The following SPAG1 variants were observed in gnomAD, a reference collection of about 807,000 sequenced individuals.
SPAG1 encodes the protein sperm-associated antigen 1.
A neutral mutation model predicts 100.5 loss-of-function variants in SPAG1; 69 were observed. The observed-to-expected ratio is 0.69, with a 90% CI of 0.57 to 0.84. The LOEUF is 0.84. Among genes scored for constraint, SPAG1 ranks in the 40% least tolerant of loss-of-function variants. The pLI is 0.00. For synonymous variants in SPAG1, 336 were observed against 411.6 expected (o/e 0.82, Z 2.22); for missense variants, 955 against 1,133.1 (o/e 0.84, Z 2.26).
intron 7 of SPAG1, 50 bp from the exon 8 acceptor site, chr8:100,187,070 C>A (rs988775562): frequency 1.9e-6 from 3 of 1,560,422 alleles, no homozygotes; most frequent in Admixed American, 1.9e-5. Context: ...TCTCTACATT[C>A]TTATGTTTAC....
intron 6 of SPAG1, 80 bp downstream of exon 6, chr8:100,184,142 G>A: frequency 3.2e-6 from 2 of 621,658 alleles, no homozygotes; most frequent in Non-Finnish European, 5.4e-6. Context: ...AGAAGACATT[G>A]TCTTTGAGTA....
At chr8:100,229,797 T>C (rs1429310349) in intron 14 of SPAG1, among the ~76,000 whole-genome samples, 1 of 152,236 alleles carries the variant, frequency 6.6e-6, no homozygotes, top group Non-Finnish European at 1.5e-5. Context: ...GCCCAACTTA[T>C]AATGCCTCAA....
At position 100,233,526 on chromosome 8, in the gene SPAG1, A is replaced by C. The variant is rs1352532114; in HGVS notation, c.2104A>C (p.Lys702Gln). Residue 702 changes from lysine to glutamine, a missense_variant, in exon 16 of 19, where the codon AAA becomes CAA. By Grantham distance (53) the Lys-to-Gln change is moderately conservative. Coordinates refer to ENST00000388798, the MANE Select transcript of SPAG1 (RefSeq NM_003114.5). ...CTTCTATAGACGAGCTCTGGCTCATAAAGGACTCAAGGTGAGGAAATCTTC... is the reference window on the plus strand; with the variant it reads ...CTTCTATAGACGAGCTCTGGCTCATCAAGGACTCAAGGTGAGGAAATCTTC... ...KAFYRRALAH[K>Q]GLKNYQKSLI... 6.2e-7 allele frequency: 1 copy of C among 1,601,960 alleles called. No individual in the cohort carries two copies. Among genetic ancestry groups the C allele is most frequent in the South Asian group, 1.1e-5 (1 of 89,982 alleles).
intron 3 of SPAG1, among the ~76,000 whole-genome samples, chr8:100,170,361 ATT>A (rs926148606): frequency 6.6e-6 from 1 of 152,134 alleles, no homozygotes; most frequent in Non-Finnish European, 1.5e-5. Context: ...CAGTTATGAA[ATT>A]TTGTTTTTTT....
intron 10 of SPAG1, among the ~76,000 whole-genome samples, chr8:100,204,786 A>G (rs969289864): frequency 6.6e-6 from 1 of 152,098 alleles, no homozygotes; most frequent in Non-Finnish European, 1.5e-5. Context: ...GAGCCGTGTA[A>G]TTGCTCTTCT....
intron 8 of SPAG1, among the ~76,000 whole-genome samples, chr8:100,190,847 T>C (rs1000449926): frequency 5.3e-5 from 8 of 151,838 alleles, no homozygotes; most frequent in African/African-American, 1.9e-4. Flanking sequence ...TTTTTGTATT[T>C]TTAGTAGAGA....
At chr8:100,198,207 G>A (rs1301702571) in intron 10 of SPAG1, among the ~76,000 whole-genome samples, 1 of 152,178 alleles carries the variant, frequency 6.6e-6, no homozygotes, top group Non-Finnish European at 1.5e-5. Flanking sequence ...ATATAGATCA[G>A]TATTTCTCTT....
chr8:100,237,238 A>G (rs1049934911), intron 16 of SPAG1, among the ~76,000 whole-genome samples: 1 of 152,046 alleles, frequency 6.6e-6, no homozygotes, highest in African/African-American at 2.4e-5. Context: ...GCACCACCAC[A>G]TCTGGCTAAT....
At chr8:100,162,238 T>C (rs1221393830) in intron 1 of SPAG1, 41 bp from the exon 2 acceptor site, 1 of 1,447,298 alleles carries the variant, frequency 6.9e-7, no homozygotes, top group Non-Finnish European at 9.4e-7. Context: ...TTGAGTATTA[T>C]TTATACATTA....
Position 100,220,268 on chromosome 8 carries a change from GTCT to G in SPAG1, c.1536-6_1536-4del, listed in dbSNP as rs1188761265. On this transcript the variant is annotated splice_polypyrimidine_tract_variant and splice_region_variant and intron_variant, in intron 12 of 18. Transcript: ENST00000388798. ...AAAACAAATGGTATGTAATATTTTT[GTCT>G]TCTTTAGGGCTCTGGAACTTCATCC... The G allele has an allele frequency of 6.3e-7, 1 of 1,597,880 alleles. No homozygotes were observed. Among genetic ancestry groups the G allele is most frequent in the Non-Finnish European group, 8.5e-7 (1 of 1,175,440 alleles).
In SPAG1 at chr8:100,178,562, G is replaced by C. The variant is rs146715089; in HGVS notation, c.426+621G>C. On this transcript the variant is annotated intron_variant, in intron 4 of 18. Coordinates refer to ENST00000388798, the MANE Select transcript of SPAG1 (RefSeq NM_003114.5). Reference sequence around the variant, plus strand: ...AAACTGGGGTTCCTGGCATCCATCTGACCTTGTAATTTCTCAGATGACTCC... The same window carrying C: ...AAACTGGGGTTCCTGGCATCCATCTCACCTTGTAATTTCTCAGATGACTCC... Among the ~76,000 whole-genome samples, 161 of 151,982 alleles carry C rather than the reference G, an allele frequency of 1.1e-3. 2 individuals carry two copies. The East Asian group carries it at 0.029, about 27-fold the overall frequency.
intron 12 of SPAG1, among the ~76,000 whole-genome samples, chr8:100,215,670 G>A (rs1046933096): frequency 6.6e-6 from 1 of 152,146 alleles, no homozygotes; most frequent in East Asian, 1.9e-4. Flanking sequence ...GACTGCAGGC[G>A]CCCGCCACCA....
intron 1 of SPAG1, among the ~76,000 whole-genome samples, chr8:100,160,203 G>A (rs73279009): frequency 6.6e-6 from 1 of 152,152 alleles, no homozygotes; most frequent in South Asian, 2.1e-4. Context: ...TAAATGCAGC[G>A]AATGTTTCTG....
intron 16 of SPAG1, among the ~76,000 whole-genome samples, chr8:100,238,240 T>C (rs994078924): frequency 3.9e-5 from 6 of 152,198 alleles, no homozygotes; most frequent in Non-Finnish European, 8.8e-5. Context: ...AGATTTGTTA[T>C]ACTTTGTAAA....
At chr8:100,161,746 A>G (rs1057177834) in intron 1 of SPAG1, among the ~76,000 whole-genome samples, 1 of 152,198 alleles carries the variant, frequency 6.6e-6, no homozygotes, top group African/African-American at 2.4e-5. Flanking sequence ...TAAATTAAGT[A>G]AATTTACTGA....
At chr8:100,227,680 A>G (rs1025626870) in intron 14 of SPAG1, among the ~76,000 whole-genome samples, 3 of 152,092 alleles carry the variant, frequency 2.0e-5, no homozygotes, top group African/African-American at 7.2e-5. Context: ...TTTTCTGTCC[A>G]TATTTGTTTA....
intron 16 of SPAG1, among the ~76,000 whole-genome samples, chr8:100,234,484 G>T (rs1488881310): frequency 6.6e-6 from 1 of 152,124 alleles, no homozygotes; most frequent in Non-Finnish European, 1.5e-5. Context: ...GATTAGTTTT[G>T]ATTGTTTTGG....
intron 10 of SPAG1, 118 bp from the exon 11 acceptor site, chr8:100,212,972 C>T: frequency 1.2e-6 from 1 of 802,942 alleles, no homozygotes; most frequent in Non-Finnish European, 1.7e-6. Context: ...GGGCGGTGCC[C>T]GAGCCGGCTT....
At position 100,223,165 on chromosome 8, in the gene SPAG1, C is replaced by T. The variant is rs1818357809; in HGVS notation, c.1689-2008C>T. ...TCATATCACATCTTGTTTATCCATT[C>T]ACCAGTTGATGAACATTTGGGTCAT... On this transcript the variant is annotated intron_variant, in intron 13 of 18. Transcript: ENST00000388798. 2.6e-5 allele frequency among the ~76,000 whole-genome samples: 4 copies of T among 152,296 alleles called. No homozygotes were observed. The South Asian group carries it at 6.2e-4, about 24-fold the overall frequency.
Sources: allele counts gnomAD v4.1 joint callset (sites outside exome capture counted in the v4.1 genomes callset), GRCh38; gene constraint gnomAD v4.1.1; transcripts MANE v1.5; gene names NCBI Gene and HGNC (gene_info 2026-07-23, HGNC 2026-07-21).